Variants in SOX5 observed in about 807,000 individuals in gnomAD.
SOX5 encodes the protein SRY-box transcription factor 5, also known as transcription factor SOX-5.
Under a neutral mutation model 92.0 loss-of-function variants are expected in SOX5, and 9 were observed. The observed-to-expected ratio is 0.10, with a 90% confidence interval of 0.06 to 0.17. SOX5 has a LOEUF of 0.17. Ranked by LOEUF, SOX5 falls within the 10% of genes least tolerant of loss-of-function variation. The pLI is 1.00. For missense variants in SOX5, 642 were observed against 944.5 expected (o/e 0.68, Z 4.20); for synonymous variants, 344 against 336.3 (o/e 1.02, Z -0.25).
chr12:23,998,825 A>AAGG (rs1555466998), intron 4 of SOX5, among the ~76,000 whole-genome samples: 2 of 130,044 alleles, frequency 1.5e-5, no homozygotes, highest in East Asian at 4.9e-4. Flanking sequence ...AAAAAAAAAA[A>AAGG]GGGGGGGCGA....
In SOX5 at chr12:23,840,560, G is replaced by C. The variant is rs535140990; in HGVS notation, c.481+5423C>G. Among the ~76,000 whole-genome samples, 27 of 152,176 alleles carry C rather than the reference G, an allele frequency of 1.8e-4. No individual in the cohort carries two copies. The East Asian group carries it at 4.8e-3, about 27-fold the overall frequency. On this transcript the variant is annotated intron_variant, in intron 3 of 14. Transcript: ENST00000451604. ...AGAAAAAGTAGAAAGTTGGAGGGCTGACACTACCCAACTTCAAGACTTATT... is the reference window on the plus strand; with the variant it reads ...AGAAAAAGTAGAAAGTTGGAGGGCTCACACTACCCAACTTCAAGACTTATT...
chr12:23,940,723 T>C (rs1314965262), intron 1 of SOX5, among the ~76,000 whole-genome samples: 1 of 147,348 alleles, frequency 6.8e-6, no homozygotes, highest in East Asian at 2.0e-4. Context: ...GAAATTATTT[T>C]ATTTACAGAG....
At chr12:23,684,914 A>G (rs2139887318) in intron 6 of SOX5, among the ~76,000 whole-genome samples, 1 of 152,268 alleles carries the variant, frequency 6.6e-6, no homozygotes, top group Admixed American at 6.6e-5. Context: ...TTTTAATATT[A>G]ATTTATCAGA....
intron 2 of SOX5, among the ~76,000 whole-genome samples, chr12:24,286,342 G>A (rs1945858262): frequency 6.6e-6 from 1 of 152,134 alleles, no homozygotes; most frequent in African/African-American, 2.4e-5. Flanking sequence ...TCAACCCAGA[G>A]CATAGTGTGC....
At chr12:24,518,603 T>C (rs779113145) in intron 1 of SOX5, among the ~76,000 whole-genome samples, 1 of 152,008 alleles carries the variant, frequency 6.6e-6, no homozygotes, top group Non-Finnish European at 1.5e-5. Flanking sequence ...CAAAACAGAC[T>C]CAGGGCAAAA....
chr12:24,285,912 CAAA>C (rs902160584), intron 2 of SOX5, among the ~76,000 whole-genome samples: 1 of 152,032 alleles, frequency 6.6e-6, no homozygotes, highest in Non-Finnish European at 1.5e-5. Flanking sequence ...TTGTCTTACC[CAAA>C]ACACTTGAAT....
rs183951393 is a variant in SOX5, at chr12:24,207,603, T to C, written c.-2+5740A>G. Among the ~76,000 whole-genome samples, 98 of 152,324 alleles carry C rather than the reference T, an allele frequency of 6.4e-4. No individual in the cohort carries two copies. The Middle Eastern group carries it at 0.01, about 16-fold the overall frequency. On this transcript the variant is annotated intron_variant, in intron 4 of 4. Transcript: ENST00000446891. ...ACCACTCAGGAGGGCCCTGGGCAGATATTAAAGATAAATAAATGAATAAAC... is the reference window on the plus strand; with the variant it reads ...ACCACTCAGGAGGGCCCTGGGCAGACATTAAAGATAAATAAATGAATAAAC...
chr12:24,256,479 G>C (rs1466968141), intron 3 of SOX5, among the ~76,000 whole-genome samples: 1 of 152,064 alleles, frequency 6.6e-6, no homozygotes, highest in Non-Finnish European at 1.5e-5. Context: ...CCTTTTCCCG[G>C]GCCCTTCTCC....
chr12:23,900,037 A>T (rs959930291), intron 1 of SOX5, among the ~76,000 whole-genome samples: 1 of 152,206 alleles, frequency 6.6e-6, no homozygotes. Context: ...AAGCCTGAGG[A>T]TAAATAGACA....
chr12:23,562,217 G>C (rs1475042437), intron 11 of SOX5, among the ~76,000 whole-genome samples: 1 of 151,946 alleles, frequency 6.6e-6, no homozygotes, highest in Non-Finnish European at 1.5e-5. Context: ...TCTCTCCCCT[G>C]GACACACGAT....
At chr12:24,537,489 T>G (rs895127615) in intron 1 of SOX5, among the ~76,000 whole-genome samples, 1 of 152,212 alleles carries the variant, frequency 6.6e-6, no homozygotes, top group Non-Finnish European at 1.5e-5. Context: ...AGGAAATGCC[T>G]GTTGAATCCC....
intron 4 of SOX5, among the ~76,000 whole-genome samples, chr12:23,973,110 C>T (rs1283093030): frequency 6.6e-6 from 1 of 151,594 alleles, no homozygotes; most frequent in Admixed American, 6.6e-5. Context: ...ATCATAATGT[C>T]CTCCAGGTCC....
At chr12:24,359,497 C>T (rs972009769) in intron 2 of SOX5, among the ~76,000 whole-genome samples, 4 of 152,176 alleles carry the variant, frequency 2.6e-5, no homozygotes, top group Non-Finnish European at 5.9e-5. Context: ...TTACAAGGGG[C>T]ACTAAAGAAA....
chr12:24,499,218 T>A (rs1947941121), intron 1 of SOX5, among the ~76,000 whole-genome samples: 1 of 152,240 alleles, frequency 6.6e-6, no homozygotes, highest in Non-Finnish European at 1.5e-5. Flanking sequence ...GATGTTCATT[T>A]TTGTGTCCAT....
chr12:24,256,067 T>C (rs1468308837), intron 3 of SOX5, among the ~76,000 whole-genome samples: 1 of 152,232 alleles, frequency 6.6e-6, no homozygotes, highest in Non-Finnish European at 1.5e-5. Flanking sequence ...CAGGTCAGTT[T>C]GCTCAAAGTG....
chr12:24,142,287 A>T (rs1403133111), intron 4 of SOX5, among the ~76,000 whole-genome samples: 1 of 152,066 alleles, frequency 6.6e-6, no homozygotes, highest in Non-Finnish European at 1.5e-5. Context: ...ATTGGCCTTA[A>T]ATTGGAGATA....
intron 1 of SOX5, among the ~76,000 whole-genome samples, chr12:24,378,360 T>G (rs1596078181): frequency 1.3e-5 from 2 of 152,250 alleles, no homozygotes. Context: ...GCATCCGATT[T>G]CCTGCCATTA....
intron 1 of SOX5, among the ~76,000 whole-genome samples, chr12:24,383,599 G>T (rs1022223359): frequency 6.6e-6 from 1 of 152,182 alleles, no homozygotes; most frequent in African/African-American, 2.4e-5. Flanking sequence ...AATCCCCACT[G>T]TCTATGCCAC....
intron 4 of SOX5, among the ~76,000 whole-genome samples, chr12:23,978,675 T>G (rs1319739438): frequency 6.6e-6 from 1 of 152,186 alleles, no homozygotes; most frequent in Admixed American, 6.5e-5. Context: ...CAGATTTTTT[T>G]TTTCACTCTG....
Sources: gnomAD v4.1 joint callset for allele counts (sites outside exome capture counted in the v4.1 genomes callset) on GRCh38, gnomAD v4.1.1 for gene constraint, MANE v1.5 for transcripts, NCBI Gene and HGNC (gene_info 2026-07-23, HGNC 2026-07-21) for gene names.